PTPRT: variants seen among roughly 807,000 people sequenced by gnomAD.
PTPRT encodes the protein protein tyrosine phosphatase receptor type T, also known as receptor-type tyrosine-protein phosphatase T.
PTPRT carries 56 observed loss-of-function variants against 176.8 expected under a neutral mutation model. The ratio of observed to expected loss-of-function variants is 0.32; its 90% CI spans 0.26 to 0.40. The LOEUF (loss-of-function observed/expected upper bound fraction) is 0.40, where lower values mean the gene tolerates loss of function less well. PTPRT is among the 10% of genes least tolerant of loss of function. The probability of loss-of-function intolerance (pLI) is 1.00; values close to 1 mark genes in which losing one functional copy is unlikely to be tolerated. For synonymous variants in PTPRT, 783 were observed against 739.0 expected, an observed-to-expected ratio of 1.06 and a Z score of -0.96; for missense variants, 1,540 against 1,908.2, an observed-to-expected ratio of 0.81 and a Z score of 3.60.
At chr20:42,604,709 C>T (rs1432745398) in intron 7 of PTPRT, among the ~76,000 whole-genome samples, 1 of 152,164 alleles carries the variant, frequency 6.6e-6, no homozygotes, top group East Asian at 1.9e-4. Context: ...AATAAGCCTT[C>T]CTAAGGGTTT....
At chr20:42,359,801 C>T (rs553138352) in intron 9 of PTPRT, among the ~76,000 whole-genome samples, 4 of 152,340 alleles carry the variant, frequency 2.6e-5, no homozygotes, top group South Asian at 2.1e-4. Context: ...GCCCGGGCTG[C>T]ACACCTTCCC....
intron 7 of PTPRT, among the ~76,000 whole-genome samples, chr20:42,544,137 A>G (rs1340808816): frequency 6.6e-6 from 1 of 152,192 alleles, no homozygotes; most frequent in East Asian, 1.9e-4. Context: ...GAGGCTTTGA[A>G]GCCAGACATT....
At chr20:43,089,860 G>C (rs2011752687) in intron 1 of PTPRT, among the ~76,000 whole-genome samples, 1 of 152,120 alleles carries the variant, frequency 6.6e-6, no homozygotes, top group Non-Finnish European at 1.5e-5. Flanking sequence ...AACCACTAAG[G>C]ATCCTTAACA....
At chr20:42,680,780 A>G (rs16987231) in intron 6 of PTPRT, among the ~76,000 whole-genome samples, 3,409 of 152,312 alleles carry the variant, frequency 0.022, 125 homozygotes, top group African/African-American at 0.078. Flanking sequence ...AAAGTATTAA[A>G]TCTTTCCAAA....
chr20:42,326,705 T>C (rs2057887704), intron 11 of PTPRT, among the ~76,000 whole-genome samples: 4 of 152,246 alleles, frequency 2.6e-5, no homozygotes, highest in South Asian at 2.1e-4. Flanking sequence ...GAGTGGGTGT[T>C]AAATAATTGT....
chr20:42,130,927 C>A (rs559456936), intron 18 of PTPRT, among the ~76,000 whole-genome samples: 40 of 152,204 alleles, frequency 2.6e-4, no homozygotes, highest in Admixed American at 2.4e-3. Flanking sequence ...CTCAAAATAG[C>A]CATATAGGTT....
intron 2 of PTPRT, among the ~76,000 whole-genome samples, chr20:42,842,938 G>A (rs186081772): frequency 1.6e-4 from 25 of 152,222 alleles, no homozygotes; most frequent in South Asian, 2.1e-4. Flanking sequence ...TAAAAGCCCC[G>A]CTTCTTAAAA....
intron 2 of PTPRT, among the ~76,000 whole-genome samples, chr20:42,843,704 G>T (rs2078319244): frequency 6.6e-6 from 1 of 152,212 alleles, no homozygotes; most frequent in South Asian, 2.1e-4. Context: ...TGTAGCTTTG[G>T]CTCCAAGGAG....
intron 8 of PTPRT, among the ~76,000 whole-genome samples, chr20:42,451,130 A>C (rs917274558): frequency 2.0e-5 from 3 of 152,126 alleles, no homozygotes; most frequent in Admixed American, 2.0e-4. Flanking sequence ...AAAGAATTGT[A>C]ACGTGGACTG....
At chr20:42,598,419 C>T (rs748374444) in intron 7 of PTPRT, among the ~76,000 whole-genome samples, 5 of 151,918 alleles carry the variant, frequency 3.3e-5, no homozygotes, top group East Asian at 1.9e-4. Context: ...TTTTTAAATG[C>T]GAGAGTATTG....
chr20:42,544,375 C>G (rs2072636603), intron 7 of PTPRT, among the ~76,000 whole-genome samples: 1 of 152,206 alleles, frequency 6.6e-6, no homozygotes, highest in South Asian at 2.1e-4. Flanking sequence ...TCTGCTGGCT[C>G]TAAAATTTTC....
intron 2 of PTPRT, among the ~76,000 whole-genome samples, chr20:42,827,169 A>G (rs1389386642): frequency 6.6e-6 from 1 of 152,210 alleles, no homozygotes; most frequent in East Asian, 1.9e-4. Flanking sequence ...TAACAAAATT[A>G]TCTAGGACTT....
intron 4 of PTPRT, among the ~76,000 whole-genome samples, chr20:42,771,853 G>C (rs1388774122): frequency 6.6e-6 from 1 of 152,180 alleles, no homozygotes; most frequent in Non-Finnish European, 1.5e-5. Context: ...CATATCCAGA[G>C]GGGGAGGGAA....
At chr20:42,487,522 G>T (rs139310036) in intron 7 of PTPRT, among the ~76,000 whole-genome samples, 2 of 152,164 alleles carry the variant, frequency 1.3e-5, no homozygotes, top group African/African-American at 4.8e-5. Flanking sequence ...TTGAACTGGG[G>T]ATATGATCCT....
At chr20:42,784,700 G>C (rs887340360) in intron 3 of PTPRT, among the ~76,000 whole-genome samples, 2 of 152,066 alleles carry the variant, frequency 1.3e-5, no homozygotes, top group Admixed American at 6.6e-5. Context: ...AAAGCTGGGT[G>C]AGTCCTTAAT....
chr20:42,059,119 T>C, the PTPRT span, among the ~76,000 whole-genome samples: 20 of 152,170 alleles, frequency 1.3e-4, no homozygotes, highest in Non-Finnish European at 2.8e-4. Context: ...AATAGCCTTA[T>C]TTCTGGGCGA....
At position 42,508,602 on chromosome 20, in the gene PTPRT, AC is replaced by A. The variant is rs1412343233; in HGVS notation, c.1154-36041del. On this transcript the variant is annotated intron_variant, in intron 7 of 30. Transcript: ENST00000373187. The stretch of plus-strand genomic sequence containing the variant: ...ATTAACTCATTTGGTCCTCAACGCA[AC>A]CTTACCAAGACAGGTATTTTGAGAT... Among the ~76,000 whole-genome samples, 4 of 152,200 alleles carry A rather than the reference AC, an allele frequency of 2.6e-5. No homozygotes were observed. The East Asian group carries it at 7.7e-4, about 29-fold the overall frequency.
At position 42,075,880 on chromosome 20, in the gene PTPRT, C is replaced by T. The variant is rs2146058346; in HGVS notation, c.*4999G>A. On this transcript the variant is annotated 3_prime_UTR_variant, in exon 31 of 31. Coordinates refer to ENST00000373187, the MANE Select transcript of PTPRT (RefSeq NM_007050.6). The stretch of plus-strand genomic sequence containing the variant: ...CCAGACACTGAGATTTGCCCTTGTT[C>T]CAAGTGGCTCTGGCAAGCTGTTACC... 1 of 206,368 alleles carries T rather than the reference C, an allele frequency of 4.8e-6. No homozygotes were observed. The highest frequency in any genetic ancestry group is 7.3e-5 in the East Asian group (1 of 13,646). The allele number at this position is 206,368 out of a possible 1,614,324, so 12.8% of individuals were successfully genotyped here.
chr20:42,504,497 A>C (rs2071809864), intron 7 of PTPRT, among the ~76,000 whole-genome samples: 1 of 152,010 alleles, frequency 6.6e-6, no homozygotes, highest in Non-Finnish European at 1.5e-5. Flanking sequence ...TTAAAATCTT[A>C]TTTTAATAAA....
Sources: gnomAD v4.1 joint callset for allele counts (sites outside exome capture counted in the v4.1 genomes callset) on GRCh38, gnomAD v4.1.1 for gene constraint, MANE v1.5 for transcripts, NCBI Gene and HGNC (gene_info 2026-07-23, HGNC 2026-07-21) for gene names.